AQP9: variants seen among roughly 807,000 people sequenced by gnomAD.
AQP9 encodes aquaporin-9.
A neutral mutation model predicts 23.8 loss-of-function variants in AQP9; 19 were observed. The ratio of observed to expected loss-of-function variants is 0.80; its 90% CI spans 0.56 to 1.17. The LOEUF (loss-of-function observed/expected upper bound fraction) is 1.17, where lower values mean the gene tolerates loss of function less well. AQP9 is among the 50% of genes most tolerant of loss of function. The probability of loss-of-function intolerance (pLI) is 0.00; values close to 1 mark genes in which losing one functional copy is unlikely to be tolerated. For missense variants in AQP9, 413 were observed against 362.0 expected (o/e 1.14, Z -1.14); for synonymous variants, 153 against 131.5 (o/e 1.16, Z -1.12).
chr15:58,153,866 T>A (rs540093971), intron 1 of AQP9: 7 of 152,150 alleles, frequency 4.6e-5, no homozygotes, highest in Non-Finnish European at 1.0e-4. Flanking sequence ...CCCAAATTAT[T>A]TTCTTCGCTC....
At chr15:58,145,367 G>A (rs1730668892) in intron 1 of AQP9, among the ~76,000 whole-genome samples, 1 of 151,004 alleles carries the variant, frequency 6.6e-6, no homozygotes, top group South Asian at 2.1e-4. Flanking sequence ...GCCAGGCATG[G>A]TGGTGTGCAC....
intron 2 of AQP9, among the ~76,000 whole-genome samples, chr15:58,168,518 C>T (rs1898556643): frequency 1.3e-5 from 2 of 152,020 alleles, no homozygotes; most frequent in African/African-American, 4.8e-5. Context: ...CCGGAATGGC[C>T]ATTGACCAGC....
chr15:58,160,637 G>GA (rs34090745), intron 1 of AQP9, among the ~76,000 whole-genome samples: 201 of 150,598 alleles, frequency 1.3e-3, no homozygotes, highest in Non-Finnish European at 1.7e-3. Flanking sequence ...CAATTAACCT[G>GA]AAAAAAAATG....
chr15:58,150,642 TTACAC>T (rs1898132285), intron 1 of AQP9: 1 of 152,296 alleles, frequency 6.6e-6, no homozygotes, highest in Non-Finnish European at 1.5e-5. Flanking sequence ...GTAATTAGCT[TTACAC>T]TAGCCCTAGT....
intron 1 of AQP9, among the ~76,000 whole-genome samples, chr15:58,158,856 G>A (rs1898316326): frequency 1.3e-5 from 2 of 152,148 alleles, no homozygotes; most frequent in Non-Finnish European, 2.9e-5. Flanking sequence ...GGTGGTCCCT[G>A]GCCCCAGGTT....
Position 58,185,900 on chromosome 15 carries a change from C to T in AQP9, c.*1765C>T, listed in dbSNP as rs908865621. 3 of 151,966 alleles carry T rather than the reference C, an allele frequency of 2.0e-5. No individual in the cohort carries two copies. Among genetic ancestry groups the T allele is most frequent in the African/African-American group, 4.8e-5 (2 of 41,346 alleles). 9.4% of individuals were successfully genotyped at this position (151,966 alleles called of 1,614,324 possible). On this transcript the variant is annotated 3_prime_UTR_variant, in exon 6 of 6. Transcript: ENST00000219919. ...ATTTCCTATTTGAAATAAAATTGTT[C>T]GGTCATTGTTGGTTGCTTGGTTGGT...
In AQP9 at chr15:58,176,930, C is replaced by T. The variant is rs916202567; in HGVS notation, c.495+1894C>T. ...TATCCTGAGCTTCCTTCATTGTGTC[C>T]TTGTCTCAGAGTGAGTTGGCAATTT... On this transcript the variant is annotated intron_variant, in intron 4 of 5. Transcript: ENST00000219919. Among the ~76,000 whole-genome samples the T allele has an allele frequency of 2.6e-5, 4 of 152,176 alleles. No homozygotes were observed. The East Asian group carries it at 7.7e-4, about 29-fold the overall frequency.
chr15:58,144,017 G>C (rs1897995939), intron 1 of AQP9, among the ~76,000 whole-genome samples: 1 of 152,104 alleles, frequency 6.6e-6, no homozygotes, highest in African/African-American at 2.4e-5. Context: ...TTTATATTTT[G>C]CTAATTTGAG....
chr15:58,139,214 G>A (rs2140578434), intron 1 of AQP9, among the ~76,000 whole-genome samples: 1 of 152,294 alleles, frequency 6.6e-6, no homozygotes, highest in African/African-American at 2.4e-5. Flanking sequence ...TAGTGTACCA[G>A]GCAATAGTCC....
intron 4 of AQP9, among the ~76,000 whole-genome samples, 178 bp from the exon 5 acceptor site, chr15:58,178,950 A>G (rs1328545926): frequency 6.6e-6 from 1 of 152,246 alleles, no homozygotes; most frequent in African/African-American, 2.4e-5. Context: ...ATTGCTGTAG[A>G]AAGAAGAGAG....
At chr15:58,164,936 C>G (rs1595737927) in intron 1 of AQP9, among the ~76,000 whole-genome samples, 3 of 152,238 alleles carry the variant, frequency 2.0e-5, no homozygotes, top group Admixed American at 2.0e-4. Flanking sequence ...ATTTTCAGCT[C>G]TATATGAAAA....
chr15:58,179,876 A>G (rs951700561), intron 5 of AQP9, among the ~76,000 whole-genome samples: 1 of 152,170 alleles, frequency 6.6e-6, no homozygotes, highest in East Asian at 1.9e-4. Context: ...TGCTCTGGCA[A>G]CCCCTAAAAG....
chr15:58,178,011 T>G (rs1898795881), intron 4 of AQP9, among the ~76,000 whole-genome samples: 1 of 152,224 alleles, frequency 6.6e-6, no homozygotes, highest in Non-Finnish European at 1.5e-5. Context: ...GTACAGACTT[T>G]TTTCTTGTCA....
chr15:58,146,729 T>G (rs1016532289), intron 1 of AQP9: 1 of 152,212 alleles, frequency 6.6e-6, no homozygotes, highest in Admixed American at 6.5e-5. Context: ...CAGAGCAGGT[T>G]TGCATTTGCT....
chr15:58,185,308 C>G lies in AQP9; in HGVS notation c.*1173C>G, dbSNP rs1001619. 0.9 allele frequency: 137,530 copies of G among 152,696 alleles called. 62,420 individuals carry two copies. The highest frequency in any genetic ancestry group is 0.96 in the Non-Finnish European group (65,351 of 68,046). The allele number at this position is 152,696 out of a possible 1,614,324, so 9.5% of individuals were successfully genotyped here. A position where few individuals can be genotyped will look rare whatever the true frequency, so the allele number is the denominator to read the frequency against. On this transcript the variant is annotated 3_prime_UTR_variant, in exon 6 of 6. Coordinates refer to ENST00000219919, the MANE Select transcript of AQP9 (RefSeq NM_020980.5). ...TTTCAGAAGATCAGTAGCTGGCTGACAATCTTTGCCAAATCTTCCTTGCTA... is the reference window on the plus strand; with the variant it reads ...TTTCAGAAGATCAGTAGCTGGCTGAGAATCTTTGCCAAATCTTCCTTGCTA...
chr15:58,143,729 T>G (rs1460861908), intron 1 of AQP9, among the ~76,000 whole-genome samples: 2 of 152,218 alleles, frequency 1.3e-5, no homozygotes, highest in Non-Finnish European at 2.9e-5. Context: ...TTTGGGAACA[T>G]GTATGACTGG....
At position 58,184,464 on chromosome 15, in the gene AQP9, G is replaced by A. The variant is rs776253846; in HGVS notation, c.*329G>A. On this transcript the variant is annotated 3_prime_UTR_variant, in exon 6 of 6. Transcript: ENST00000219919. ...ATCTTGACGATAGTCCCATTTGGGT[G>A]GTTTCAGCTGCACTATCTGTATGAA... is the stretch of plus-strand genomic sequence containing the variant. 12 of 221,240 alleles carry A rather than the reference G, an allele frequency of 5.4e-5. No individual in the cohort carries two copies. The highest frequency in any genetic ancestry group is 9.8e-5 in the Non-Finnish European group (11 of 112,314). 13.7% of individuals were successfully genotyped at this position (221,240 alleles called of 1,614,324 possible).
At chr15:58,177,836 T>C (rs545523000) in intron 4 of AQP9, among the ~76,000 whole-genome samples, 1 of 152,334 alleles carries the variant, frequency 6.6e-6, no homozygotes, top group African/African-American at 2.4e-5. Context: ...CCAGCTATAA[T>C]TGGCCAATTC....
intron 1 of AQP9, among the ~76,000 whole-genome samples, chr15:58,163,665 T>G (rs185457941): frequency 2.2e-4 from 33 of 152,140 alleles, no homozygotes; most frequent in African/African-American, 7.0e-4. Flanking sequence ...AGGGTGGATA[T>G]GATAACGGGC....
Sources: gnomAD v4.1 joint callset for allele counts (sites outside exome capture counted in the v4.1 genomes callset) on GRCh38, gnomAD v4.1.1 for gene constraint, MANE v1.5 for transcripts, NCBI Gene and HGNC (gene_info 2026-07-23, HGNC 2026-07-21) for gene names.